The following TRAF2 variants were observed in gnomAD, a reference collection of about 807,000 sequenced individuals.
TRAF2 encodes the protein TNF receptor-associated factor 2.
Under a neutral mutation model 55.6 loss-of-function variants are expected in TRAF2, and 6 were observed. That is an observed-to-expected ratio of 0.11 (90% CI 0.06 to 0.21). The LOEUF (loss-of-function observed/expected upper bound fraction) is 0.21. Ranked by LOEUF, TRAF2 falls within the 10% of genes least tolerant of loss-of-function variation. TRAF2 has a pLI of 1.00. For missense variants in TRAF2, 561 were observed against 684.5 expected (o/e 0.82, Z 2.01); for synonymous variants, 329 against 276.3 (o/e 1.19, Z -1.89).
chr9:136,907,646 G>A (rs988721916), intron 4 of TRAF2, among the ~76,000 whole-genome samples: 8 of 152,044 alleles, frequency 5.3e-5, no homozygotes, highest in African/African-American at 1.7e-4. Context: ...GGCTGGGACT[G>A]GCAAGACTCA....
At chr9:136,907,357 C>A (rs958155870) in intron 4 of TRAF2, among the ~76,000 whole-genome samples, 1 of 152,262 alleles carries the variant, frequency 6.6e-6, no homozygotes, top group Non-Finnish European at 1.5e-5. Flanking sequence ...AGGGCAGGGC[C>A]TCTGCCCAGC....
At chr9:136,911,844 C>CTTTTTTT (rs1304459874) in intron 6 of TRAF2, among the ~76,000 whole-genome samples, 5 of 50,364 alleles carry the variant, frequency 9.9e-5, no homozygotes, top group African/African-American at 4.5e-4. Flanking sequence ...TTTCTCTTAT[C>CTTTTTTT]TCTTTTTTTT....
At chr9:136,907,203 G>A (rs978607061) in intron 4 of TRAF2, among the ~76,000 whole-genome samples, 2 of 152,154 alleles carry the variant, frequency 1.3e-5, no homozygotes, top group East Asian at 1.9e-4. Flanking sequence ...CCTCTGCCTC[G>A]CCTGACGCTT....
At chr9:136,899,180 A>G (rs1325636443) in intron 2 of TRAF2, among the ~76,000 whole-genome samples, 1 of 152,214 alleles carries the variant, frequency 6.6e-6, no homozygotes, top group African/African-American at 2.4e-5. Context: ...TTATCTTTTT[A>G]TTATTTTTAA....
chr9:136,906,924 G>T (rs1480776724), intron 4 of TRAF2, among the ~76,000 whole-genome samples: 1 of 152,212 alleles, frequency 6.6e-6, no homozygotes, highest in Non-Finnish European at 1.5e-5. Flanking sequence ...CAACCTTAGA[G>T]TCTGTGAGAG....
At chr9:136,903,616 C>T (rs1588428605) in intron 4 of TRAF2, among the ~76,000 whole-genome samples, 1 of 151,334 alleles carries the variant, frequency 6.6e-6, no homozygotes, top group African/African-American at 2.4e-5. Flanking sequence ...GTATCTGCTG[C>T]AGGACAACCC....
At chr9:136,894,498 G>T (rs1849642229) in intron 1 of TRAF2, among the ~76,000 whole-genome samples, 1 of 152,168 alleles carries the variant, frequency 6.6e-6, no homozygotes, top group Non-Finnish European at 1.5e-5. Context: ...GTTGCCAAGG[G>T]GCAGGTGTGC....
intron 6 of TRAF2, among the ~76,000 whole-genome samples, chr9:136,913,217 C>G (rs1850161977): frequency 1.3e-5 from 2 of 151,142 alleles, no homozygotes; most frequent in African/African-American, 4.9e-5. Flanking sequence ...CCACCTGTTT[C>G]TTCGAAGCTC....
chr9:136,911,446 T>A (rs1274973247), intron 6 of TRAF2, among the ~76,000 whole-genome samples: 1 of 152,070 alleles, frequency 6.6e-6, no homozygotes, highest in Non-Finnish European at 1.5e-5. Context: ...GTATTTTCAG[T>A]AGAGATGGGG....
chr9:136,903,904 G>C (rs1052285952), intron 4 of TRAF2, among the ~76,000 whole-genome samples: 1 of 152,094 alleles, frequency 6.6e-6, no homozygotes, highest in East Asian at 1.9e-4. Context: ...GGATGGTCTC[G>C]ATCTCCTGAC....
chr9:136,889,624 T>C (rs1167440800), intron 1 of TRAF2: 1 of 152,164 alleles, frequency 6.6e-6, no homozygotes, highest in Non-Finnish European at 1.5e-5. Context: ...ATTTTAACTT[T>C]TTTGTTATTT....
chr9:136,922,896 A>T (rs1181951667), intron 9 of TRAF2, among the ~76,000 whole-genome samples: 1 of 102,854 alleles, frequency 9.7e-6, no homozygotes, highest in Non-Finnish European at 1.9e-5. Context: ...GAGGACTAGG[A>T]CAGGGAGGAT....
intron 7 of TRAF2, among the ~76,000 whole-genome samples, chr9:136,919,103 A>G (rs1161773718): frequency 7.5e-6 from 1 of 132,600 alleles, no homozygotes; most frequent in African/African-American, 2.8e-5. Context: ...TCTGTTGGCC[A>G]GGCTGGAAGT....
chr9:136,892,869 C>CT (rs923294508), intron 1 of TRAF2, among the ~76,000 whole-genome samples: 1 of 152,204 alleles, frequency 6.6e-6, no homozygotes, highest in African/African-American at 2.4e-5. Flanking sequence ...GAGCAAGACT[C>CT]TGTCTCACAT....
intron 10 of TRAF2, among the ~76,000 whole-genome samples, chr9:136,924,911 G>A (rs940138602): frequency 2.6e-5 from 4 of 152,054 alleles, no homozygotes; most frequent in Non-Finnish European, 4.4e-5. Flanking sequence ...GCTAATTTTT[G>A]TATTTTTAGT....
At position 136,912,152 on chromosome 9, in the gene TRAF2, CTTTTTTTTTTTT is replaced by C. The variant is rs1180324647; in HGVS notation, c.603+2174_603+2185del. Among the ~76,000 whole-genome samples, 40 of 58,332 alleles carry C rather than the reference CTTTTTTTTTTTT, an allele frequency of 6.9e-4. 1 individual carries two copies. Among genetic ancestry groups the C allele is most frequent in the African/African-American group, 2.2e-3 (29 of 13,194 alleles). 38.3% of individuals were successfully genotyped at this position (58,332 alleles called of 152,430 possible). A position where few individuals can be genotyped will look rare whatever the true frequency, so the allele number is the denominator to read the frequency against. On this transcript the variant is annotated intron_variant, in intron 6 of 10. Transcript: ENST00000247668. The stretch of plus-strand genomic sequence containing the variant: ...CAGGCGTGAGCCACTGCGTCTGGCC[CTTTTTTTTTTTT>C]TTTTTTTTTTTTTTTGGAGACAGAG...
chr9:136,917,645 G>A (rs984874565), intron 7 of TRAF2, among the ~76,000 whole-genome samples: 1 of 152,266 alleles, frequency 6.6e-6, no homozygotes, highest in Non-Finnish European at 1.5e-5. Flanking sequence ...TGAAGACAGG[G>A]ATGTCTTGAC....
intron 6 of TRAF2, among the ~76,000 whole-genome samples, chr9:136,911,298 C>T (rs1390821147): frequency 3.0e-5 from 4 of 133,404 alleles, no homozygotes; most frequent in Admixed American, 8.4e-5. Flanking sequence ...GACAGAGTTT[C>T]GCTCTTGTTG....
At chr9:136,887,862 A>G (rs1164020156) in intron 1 of TRAF2, among the ~76,000 whole-genome samples, 1 of 151,984 alleles carries the variant, frequency 6.6e-6, no homozygotes, top group East Asian at 1.9e-4. Flanking sequence ...TTACATATAA[A>G]ATTGTAATTT....
Sources: gnomAD v4.1 joint callset for allele counts (sites outside exome capture counted in the v4.1 genomes callset) on GRCh38, gnomAD v4.1.1 for gene constraint, MANE v1.5 for transcripts, NCBI Gene and HGNC (gene_info 2026-07-23, HGNC 2026-07-21) for gene names.